Variants in DIXDC1 observed in about 807,000 individuals in gnomAD.
The protein encoded by DIXDC1 is dixin.
Under a neutral mutation model 103.1 loss-of-function variants are expected in DIXDC1, and 64 were observed. The ratio of observed to expected loss-of-function variants is 0.62; its 90% confidence interval spans 0.51 to 0.76. The LOEUF (loss-of-function observed/expected upper bound fraction) is 0.76. DIXDC1 is among the 30% of genes least tolerant of loss of function. The pLI, the probability that DIXDC1 is intolerant of heterozygous loss-of-function variation, is 0.00. For missense variants in DIXDC1, 759 were observed against 834.2 expected (o/e 0.91, Z 1.11); for synonymous variants, 266 against 298.5 (o/e 0.89, Z 1.12).
At chr11:111,985,449 A>G (rs1385709594) in intron 8 of DIXDC1, 128 bp downstream of exon 8, 8 of 699,374 alleles carry the variant, frequency 1.1e-5, no homozygotes, top group Non-Finnish European at 1.9e-5. Flanking sequence ...TTCCTCCTAC[A>G]TTTTTGACCA....
chr11:111,940,977 C>T (rs1356875706), intron 1 of DIXDC1, among the ~76,000 whole-genome samples: 3 of 152,182 alleles, frequency 2.0e-5, no homozygotes, highest in Admixed American at 6.5e-5. Flanking sequence ...TAGCCAGGCA[C>T]GGTGGTGCAT....
At position 111,998,782 on chromosome 11, in the gene DIXDC1, C is replaced by T. The variant is rs185985880; in HGVS notation, c.1756+2636C>T. Among the ~76,000 whole-genome samples the T allele has an allele frequency of 1.2e-3, 188 of 152,294 alleles. No homozygotes were observed. Among genetic ancestry groups the T allele is most frequent in the African/African-American group, 4.4e-3 (184 of 41,570 alleles). ...CTCTTGAGCTCAGGCAATCCACCCA[C>T]CCCGGCCTCCCAAAGTGCTGGGATT... On this transcript the variant is annotated intron_variant, in intron 17 of 19. Transcript: ENST00000440460. The surrounding 1 kb of genome is among the most constrained non-coding windows in gnomAD (Gnocchi z 4.1).
intron 2 of DIXDC1, among the ~76,000 whole-genome samples, chr11:111,932,027 C>CT (rs59805759): frequency 0.036 from 3,611 of 99,160 alleles, 93 homozygotes; most frequent in Non-Finnish European, 0.047. Flanking sequence ...GGCAGATAAC[C>CT]TTTTTTTTTT....
In DIXDC1 at chr11:111,977,205, G is replaced by A; in HGVS notation, c.656+2222G>A. On this transcript the variant is annotated intron_variant, in intron 5 of 19. Transcript: ENST00000440460. The surrounding 1 kb of genome is among the most constrained non-coding windows in gnomAD (Gnocchi z 6.1). Reference sequence around the variant, plus strand: ...CCCCTGGCCCGCACCCTCAACCTCCGTCCAGAGCGGTCGGTTGGCCAGCGG... The same window carrying A: ...CCCCTGGCCCGCACCCTCAACCTCCATCCAGAGCGGTCGGTTGGCCAGCGG... 3 of 678,750 alleles carry A rather than the reference G, an allele frequency of 4.4e-6. No homozygotes were observed. Among genetic ancestry groups the A allele is most frequent in the South Asian group, 6.6e-5 (1 of 15,242 alleles). 42.0% of individuals were successfully genotyped at this position (678,750 alleles called of 1,614,324 possible).
intron 1 of DIXDC1, among the ~76,000 whole-genome samples, chr11:111,959,635 C>T (rs782637687): frequency 1.8e-4 from 28 of 152,370 alleles, no homozygotes; most frequent in Middle Eastern, 3.4e-3. Flanking sequence ...AAAGGCACCA[C>T]TGGCCAGGTT....
In DIXDC1 at chr11:111,976,352, G is replaced by A. The variant is rs895226373; in HGVS notation, c.656+1369G>A. ...GAGGGCTGTGAGACTGTGAATGTGT[G>A]AATGAGGGGCCCACCGGCTATCAGG... is the stretch of plus-strand genomic sequence containing the variant. On this transcript the variant is annotated intron_variant, in intron 5 of 19. Coordinates refer to ENST00000440460, the MANE Select transcript of DIXDC1 (RefSeq NM_001037954.4). The surrounding 1 kb of genome is among the most constrained non-coding windows in gnomAD (Gnocchi z 4.3). Among the ~76,000 whole-genome samples the A allele has an allele frequency of 6.6e-6, 1 of 152,114 alleles. No homozygotes were observed. Among genetic ancestry groups the A allele is most frequent in the African/African-American group, 2.4e-5 (1 of 41,404 alleles).
At chr11:111,980,183 C>T (rs993018572) in intron 5 of DIXDC1, among the ~76,000 whole-genome samples, 5 of 152,304 alleles carry the variant, frequency 3.3e-5, no homozygotes, top group African/African-American at 4.8e-5. Flanking sequence ...TGGCAATGTA[C>T]GCCCTCCAGC....
At chr11:112,013,321 TGGGGG>T (rs1861483741) in intron 17 of DIXDC1, among the ~76,000 whole-genome samples, 4 of 35,730 alleles carry the variant, frequency 1.1e-4, no homozygotes, top group African/African-American at 3.9e-4. Flanking sequence ...GGTCGGGGGG[TGGGGG>T]TGGGGTGGGG....
chr11:111,950,424 ATATATATATATATATTTTTTTTTTTTTT>A (rs1213090308), intron 1 of DIXDC1, among the ~76,000 whole-genome samples: 8 of 18,850 alleles, frequency 4.2e-4, no homozygotes, highest in African/African-American at 2.6e-3. Context: ...ATATATATAT[ATATATATATATATATTTTTTTTTTTTTT>A]TTTTTTTTTT....
At chr11:111,988,854 T>C (rs1170159803) in intron 9 of DIXDC1, 151 bp from the exon 10 acceptor site, 3 of 619,596 alleles carry the variant, frequency 4.8e-6, no homozygotes, top group Admixed American at 2.9e-5. Flanking sequence ...CCTGTACTGC[T>C]CACTGAACCA....
chr11:111,960,909 A>C (rs782799527), intron 1 of DIXDC1, among the ~76,000 whole-genome samples: 3 of 152,172 alleles, frequency 2.0e-5, no homozygotes, highest in Non-Finnish European at 4.4e-5. Context: ...AAAGCTTGGG[A>C]AGATAAATCT....
intron 1 of DIXDC1, among the ~76,000 whole-genome samples, chr11:111,943,505 T>G (rs1391951086): frequency 9.7e-5 from 14 of 144,362 alleles, no homozygotes; most frequent in East Asian, 3.9e-4. Flanking sequence ...TTTTTTTTTT[T>G]TTTTTGTTTT....
chr11:111,983,514 C>T (rs1293659567), intron 7 of DIXDC1, among the ~76,000 whole-genome samples: 2 of 152,130 alleles, frequency 1.3e-5, no homozygotes, highest in Non-Finnish European at 2.9e-5. Context: ...CCTTTTAGAT[C>T]TCTTTTCTGC....
chr11:111,995,405 C>T lies in DIXDC1; in HGVS notation c.1530C>T (p.Thr510=), dbSNP rs1179935280. 6 of 1,611,450 alleles carry T rather than the reference C, an allele frequency of 3.7e-6. No homozygotes were observed. The highest frequency in any genetic ancestry group is 4.2e-6 in the Non-Finnish European group (5 of 1,179,890). Reference sequence around the variant, plus strand: ...CAACACCTTATTTTTGCCCACAGACCAGCGACCTGCAGCTTGTTCGAGATG... The same window carrying T: ...CAACACCTTATTTTTGCCCACAGACTAGCGACCTGCAGCTTGTTCGAGATG... ...KGATSVSNRG[T]SDLQLVRDAL... Residue 510 remains threonine (T), a splice_region_variant and synonymous_variant, in exon 16 of 20, where the codon ACC becomes ACT. Transcript: ENST00000440460.
intron 10 of DIXDC1, 23 bp from the exon 11 acceptor site, chr11:111,992,392 A>G: frequency 1.3e-6 from 2 of 1,545,274 alleles, no homozygotes; most frequent in Non-Finnish European, 1.8e-6. Context: ...AGACAACAAT[A>G]ATTAGTATGC....
chr11:111,985,550 G>C (rs1356148441), intron 8 of DIXDC1, among the ~76,000 whole-genome samples: 1 of 152,114 alleles, frequency 6.6e-6, no homozygotes, highest in Non-Finnish European at 1.5e-5. Flanking sequence ...AGATATGGTA[G>C]TAACAAAACA....
chr11:111,974,242 G>A lies in DIXDC1; in HGVS notation c.536G>A (p.Arg179Gln), dbSNP rs201036692. Residue 179 changes from arginine (R) to glutamine (Q), a missense_variant, in exon 4 of 20, where the codon CGA becomes CAA. Coordinates refer to ENST00000440460, the MANE Select transcript of DIXDC1 (RefSeq NM_001037954.4). Reference sequence around the variant, plus strand: ...TCCCGATCAGGACGGGATGTCTTTCGATATAGACAGAGGTAAGGGTAGAAA... The same window carrying A: ...TCCCGATCAGGACGGGATGTCTTTCAATATAGACAGAGGTAAGGGTAGAAA... Reference protein sequence around the residue: ...DMSRSGRDVFRYRQRNSSMDE... With the variant: ...DMSRSGRDVFQYRQRNSSMDE... The A allele has an allele frequency of 1.6e-5, 25 of 1,612,758 alleles. No homozygotes were observed. In the Admixed American group the frequency reaches 3.3e-4, roughly 22 times the overall value.
At chr11:111,994,456 CACACATAT>C (rs1300916464) in intron 14 of DIXDC1, among the ~76,000 whole-genome samples, 43 of 151,356 alleles carry the variant, frequency 2.8e-4, no homozygotes, top group African/African-American at 1.0e-3. Flanking sequence ...TATATACATA[CACACATAT>C]ACACATATAT....
At chr11:111,952,198 G>A (rs1481462927) in intron 1 of DIXDC1, among the ~76,000 whole-genome samples, 9 of 152,164 alleles carry the variant, frequency 5.9e-5, no homozygotes, top group Non-Finnish European at 1.0e-4. Context: ...TCTCGGGTAT[G>A]TCTTTATCAG....
Sources: allele counts gnomAD v4.1 joint callset (sites outside exome capture counted in the v4.1 genomes callset), GRCh38; gene constraint gnomAD v4.1.1; non-coding constraint Gnocchi (gnomAD v3.1); transcripts MANE v1.5; gene names NCBI Gene and HGNC (gene_info 2026-07-23, HGNC 2026-07-21).